TSC22D1: variants seen among roughly 807,000 people sequenced by gnomAD.
TSC22D1 encodes the protein TSC22 domain family protein 1.
TSC22D1 carries 9 observed loss-of-function variants against 74.2 expected under a neutral mutation model. The observed-to-expected ratio is 0.12, with a 90% confidence interval of 0.07 to 0.21. TSC22D1 has a LOEUF of 0.21. Ranked by LOEUF, TSC22D1 falls within the 10% of genes least tolerant of loss-of-function variation. The pLI is 1.00. For missense variants in TSC22D1, 1,427 were observed against 1,304.7 expected, an observed-to-expected ratio of 1.09 and a Z score of -1.44; for synonymous variants, 586 against 492.5, an observed-to-expected ratio of 1.19 and a Z score of -2.51.
At chr13:44,539,850 C>T (rs1247759587) in intron 1 of TSC22D1, 3 of 1,289,672 alleles carry the variant, frequency 2.3e-6, no homozygotes, top group South Asian at 1.2e-5. Context: ...CCCCTGACGT[C>T]AAAAGCTCTC....
At chr13:44,516,825 A>C (rs1880010714) in intron 1 of TSC22D1, among the ~76,000 whole-genome samples, 1 of 152,216 alleles carries the variant, frequency 6.6e-6, no homozygotes, top group Non-Finnish European at 1.5e-5. Context: ...CAGCAACACT[A>C]CTAACAACAG....
At chr13:44,499,893 C>T (rs956145693) in intron 1 of TSC22D1, among the ~76,000 whole-genome samples, 1 of 151,792 alleles carries the variant, frequency 6.6e-6, no homozygotes, top group Non-Finnish European at 1.5e-5. Flanking sequence ...TGAAGACCAG[C>T]CTGGCCTACA....
At chr13:44,572,182 T>G (rs956614844) in intron 1 of TSC22D1, among the ~76,000 whole-genome samples, 1 of 152,112 alleles carries the variant, frequency 6.6e-6, no homozygotes, top group African/African-American at 2.4e-5. Flanking sequence ...GACTGGAAAA[T>G]TTGTGAAAAG....
intron 1 of TSC22D1, among the ~76,000 whole-genome samples, chr13:44,446,475 T>C (rs1224841387): frequency 6.6e-6 from 1 of 151,586 alleles, no homozygotes; most frequent in Non-Finnish European, 1.5e-5. Context: ...CAATAAACAC[T>C]GGAGACTCCA....
chr13:44,472,961 G>A (rs1202045223), intron 1 of TSC22D1, among the ~76,000 whole-genome samples: 1 of 152,110 alleles, frequency 6.6e-6, no homozygotes, highest in African/African-American at 2.4e-5. Flanking sequence ...GCAGTTCCAC[G>A]TGGCCAGGGA....
rs112233004 is a variant in TSC22D1, at chr13:44,547,744, C to T, written c.2912+25419G>A. On this transcript the variant is annotated intron_variant, in intron 1 of 2. Coordinates refer to ENST00000458659, the MANE Select transcript of TSC22D1 (RefSeq NM_183422.4). ...CATAACTTTTTGTTTTAATTTTTAA[C>T]TTACTGAGAGCTTAGTATATGGTAG... 1.7e-3 allele frequency among the ~76,000 whole-genome samples: 262 copies of T among 152,158 alleles called. 2 individuals are homozygous for T. Among genetic ancestry groups the T allele is most frequent in the African/African-American group, 5.9e-3 (246 of 41,504 alleles).
Position 44,576,017 on chromosome 13 carries a change from T to G in TSC22D1, c.58A>C (p.Arg20=), listed in dbSNP as rs1362349110. ...AAAAAADISA[R]KMAHPAMFPR... Reference sequence around the variant, plus strand: ...AACATTGCCGGGTGCGCCATCTTCCTAGCGCTAATGTCTGCAGCGGCGGCG... The same window carrying G: ...AACATTGCCGGGTGCGCCATCTTCCGAGCGCTAATGTCTGCAGCGGCGGCG... Residue 20 remains arginine (R), a synonymous_variant, in exon 1 of 3, where the codon AGG becomes CGG. Coordinates refer to ENST00000458659, the MANE Select transcript of TSC22D1 (RefSeq NM_183422.4). The G allele has an allele frequency of 1.1e-5, 17 of 1,588,748 alleles. No homozygotes were observed. The South Asian group carries it at 1.9e-4, about 18-fold the overall frequency.
chr13:44,516,740 C>G (rs968928759), intron 1 of TSC22D1, among the ~76,000 whole-genome samples: 1 of 152,194 alleles, frequency 6.6e-6, no homozygotes, highest in Non-Finnish European at 1.5e-5. Flanking sequence ...TAGTTTTCTT[C>G]CCTCAAAGGC....
intron 1 of TSC22D1, among the ~76,000 whole-genome samples, chr13:44,532,482 C>CT (rs57246876): frequency 9.3e-5 from 14 of 151,280 alleles, no homozygotes; most frequent in African/African-American, 1.9e-4. Flanking sequence ...TCTACAAAAT[C>CT]TTTTTTTTTG....
intron 1 of TSC22D1, among the ~76,000 whole-genome samples, chr13:44,568,028 A>G (rs1428879711): frequency 6.6e-6 from 1 of 152,226 alleles, no homozygotes; most frequent in Non-Finnish European, 1.5e-5. Context: ...AATATATAAG[A>G]TATCAGAATG....
intron 1 of TSC22D1, among the ~76,000 whole-genome samples, chr13:44,512,778 T>C (rs956100367): frequency 1.3e-5 from 2 of 152,162 alleles, no homozygotes; most frequent in African/African-American, 4.8e-5. Flanking sequence ...GCCTCCCAAG[T>C]AGCTGGGACT....
chr13:44,488,986 A>T (rs1340909176), intron 1 of TSC22D1, among the ~76,000 whole-genome samples: 9 of 134,604 alleles, frequency 6.7e-5, no homozygotes, highest in Non-Finnish European at 1.4e-4. Context: ...CATCTTAAAG[A>T]AGAAGAAAGT....
chr13:44,538,041 A>C, intron 1 of TSC22D1: 1 of 985,272 alleles, frequency 1.0e-6, no homozygotes. Flanking sequence ...TAACTACTTC[A>C]ATCAATTAAT....
At chr13:44,567,466 T>C (rs1165837888) in intron 1 of TSC22D1, among the ~76,000 whole-genome samples, 2 of 147,102 alleles carry the variant, frequency 1.4e-5, no homozygotes, top group African/African-American at 5.0e-5. Flanking sequence ...AAATAAAAAG[T>C]AAGAAAATAA....
At chr13:44,511,005 G>C (rs1879687011) in intron 1 of TSC22D1, among the ~76,000 whole-genome samples, 2 of 152,186 alleles carry the variant, frequency 1.3e-5, no homozygotes, top group Admixed American at 1.3e-4. Flanking sequence ...AACATTTTCA[G>C]GCCAATGTGG....
chr13:44,551,397 T>TGG (rs1882257606), intron 1 of TSC22D1, among the ~76,000 whole-genome samples: 4 of 137,352 alleles, frequency 2.9e-5, no homozygotes, highest in Admixed American at 7.2e-5. Flanking sequence ...TGGGTGTGTG[T>TGG]GTGTGTGTGT....
In TSC22D1 at chr13:44,434,532, G is replaced by T. The variant is rs1056998573; in HGVS notation, c.*94C>A. ...TCACGTCTCTTTCGCAGCGAGCAAT[G>T]AAATGGGTGACTGTGGAGGCAGATT... On this transcript the variant is annotated 3_prime_UTR_variant, in exon 3 of 3. Transcript: ENST00000458659. 2.0e-6 allele frequency: 3 copies of T among 1,471,944 alleles called. No homozygotes were observed. The highest frequency in any genetic ancestry group is 9.0e-7 in the Non-Finnish European group (1 of 1,115,100). The allele number at this position is 1,471,944 out of a possible 1,614,324, so 91.2% of individuals were successfully genotyped here. A position where few individuals can be genotyped will look rare whatever the true frequency, so the allele number is the denominator to read the frequency against.
chr13:44,540,120 G>A, intron 1 of TSC22D1: 1 of 371,818 alleles, frequency 2.7e-6, no homozygotes, highest in Non-Finnish European at 5.1e-6. Context: ...TAACTATTAA[G>A]AAGGGACCTG....
At chr13:44,436,902 G>T in intron 1 of TSC22D1, 2 of 1,093,688 alleles carry the variant, frequency 1.8e-6, no homozygotes, top group Non-Finnish European at 2.2e-6. Flanking sequence ...GGAAAGAGCT[G>T]CGCCGATTGG....
Sources: gnomAD v4.1 joint callset for allele counts (sites outside exome capture counted in the v4.1 genomes callset) on GRCh38, gnomAD v4.1.1 for gene constraint, MANE v1.5 for transcripts, NCBI Gene and HGNC (gene_info 2026-07-23, HGNC 2026-07-21) for gene names.